The following CACNA1C variants were observed in gnomAD, a reference collection of about 807,000 sequenced individuals.
CACNA1C encodes the protein calcium voltage-gated channel subunit alpha1 C.
A neutral mutation model predicts 229.0 loss-of-function variants in CACNA1C; 30 were observed. The ratio of observed to expected loss-of-function variants is 0.13; its 90% CI spans 0.10 to 0.18. The LOEUF (loss-of-function observed/expected upper bound fraction) is 0.18, where lower values mean the gene tolerates loss of function less well. Ranked by LOEUF, CACNA1C falls within the 10% of genes least tolerant of loss-of-function variation. The probability of loss-of-function intolerance (pLI) is 1.00; values close to 1 mark genes in which losing one functional copy is unlikely to be tolerated. For synonymous variants in CACNA1C, 1,114 were observed against 1,132.5 expected (o/e 0.98, Z 0.33); for missense variants, 1,658 against 2,845.0 (o/e 0.58, Z 9.49).
At chr12:2,598,235 C>G (rs1284140085) in intron 21 of CACNA1C, among the ~76,000 whole-genome samples, 1 of 152,138 alleles carries the variant, frequency 6.6e-6, no homozygotes, top group Non-Finnish European at 1.5e-5. Flanking sequence ...ACCTGAGCAC[C>G]CAGCCCCCAG....
intron 1 of CACNA1C, among the ~76,000 whole-genome samples, chr12:1,981,102 T>C (rs1187564278): frequency 6.6e-6 from 1 of 152,188 alleles, no homozygotes; most frequent in East Asian, 1.9e-4. Context: ...GATGAGGATG[T>C]ATGGCATTCT....
intron 3 of CACNA1C, among the ~76,000 whole-genome samples, chr12:2,277,008 G>C (rs572795597): frequency 6.6e-6 from 1 of 152,148 alleles, no homozygotes; most frequent in South Asian, 2.1e-4. Context: ...CTCATCACAG[G>C]GGTTGCAAAG....
chr12:2,527,113 C>T (rs751567498), intron 9 of CACNA1C, among the ~76,000 whole-genome samples: 3 of 152,164 alleles, frequency 2.0e-5, no homozygotes, highest in Admixed American at 6.5e-5. Context: ...AATGTCTGGG[C>T]AGAGGAGCCC....
intron 29 of CACNA1C, chr12:2,613,222 G>C (rs569625151): frequency 2.6e-5 from 4 of 152,100 alleles, no homozygotes; most frequent in African/African-American, 9.6e-5. Context: ...GTATATCATC[G>C]CACGTCATTC....
rs117416923 is a variant in CACNA1C, at chr12:2,285,713, G to A, written c.478-163263G>A. On this transcript the variant is annotated intron_variant, in intron 3 of 46. Transcript: ENST00000399655. This position sits in a 1 kb window ranked among gnomAD's most constrained non-coding sequence, Gnocchi z 4.2. ...TCCAAACCCCATGTTCTTATCTGAC[G>A]GTATTTCTACTCTTTTTCTCAACCT... is the stretch of plus-strand genomic sequence containing the variant. 6.6e-5 allele frequency among the ~76,000 whole-genome samples: 10 copies of A among 152,204 alleles called. No homozygotes were observed. Among genetic ancestry groups the A allele is most frequent in the Middle Eastern group, 3.4e-3 (1 of 294 alleles).
chr12:2,473,302 C>T (rs1196067561), intron 5 of CACNA1C, among the ~76,000 whole-genome samples: 2 of 152,192 alleles, frequency 1.3e-5, no homozygotes, highest in Non-Finnish European at 2.9e-5. Context: ...GTATCTACCT[C>T]GCTGTCTCTT....
chr12:2,407,964 C>A (rs2098757586), intron 3 of CACNA1C, among the ~76,000 whole-genome samples: 2 of 152,218 alleles, frequency 1.3e-5, no homozygotes, highest in African/African-American at 2.4e-5. Flanking sequence ...ACCCACTCTT[C>A]CCCCAGCAAA....
At chr12:2,127,167 G>A (rs1246879220) in intron 3 of CACNA1C, among the ~76,000 whole-genome samples, 2 of 152,156 alleles carry the variant, frequency 1.3e-5, no homozygotes, top group Non-Finnish European at 2.9e-5. Flanking sequence ...CTCAGGAGGT[G>A]CCTGTCAGCC....
intron 9 of CACNA1C, among the ~76,000 whole-genome samples, chr12:2,537,908 G>A (rs982428012): frequency 6.6e-6 from 1 of 152,028 alleles, no homozygotes; most frequent in Non-Finnish European, 1.5e-5. Flanking sequence ...GGGTGGGAGA[G>A]GGAGTGTGCC....
intron 1 of CACNA1C, among the ~76,000 whole-genome samples, chr12:1,984,714 T>C (rs1298678175): frequency 1.3e-5 from 2 of 151,128 alleles, no homozygotes; most frequent in African/African-American, 4.9e-5. Flanking sequence ...AGCTTTCCCT[T>C]TGATATTATT....
At chr12:2,474,632 G>A (rs888605993) in intron 5 of CACNA1C, among the ~76,000 whole-genome samples, 3 of 151,836 alleles carry the variant, frequency 2.0e-5, no homozygotes, top group Admixed American at 1.3e-4. Flanking sequence ...GGCACACGCC[G>A]GTAATCCCAG....
rs1211638227 is a variant in CACNA1C at position 2,585,496 on chromosome 12, G to C, written c.2460G>C (p.Lys820Asn). The change falls in exon 17 of 47, where the codon AAG becomes AAC. Residue 820 changes from lysine to asparagine, a missense_variant and splice_region_variant. Around this residue, in one of 20 missense-constraint regions of CACNA1C, gnomAD observed 121 missense variants for 128.8 expected, o/e 0.94. Coordinates refer to ENST00000399655, the MANE Select transcript of CACNA1C (RefSeq NM_000719.7). The surrounding 1 kb of genome is among the most constrained non-coding windows in gnomAD (Gnocchi z 4.1). ...TADGESPPATKINMDDLQPNE... is the reference protein window; with the variant it reads ...TADGESPPATNINMDDLQPNE... ...ACGGAGAGTCTCCACCCGCCACCAAGGTGAGGAGCTGTCTCCTTCCTGGAG... is the reference window on the plus strand; with the variant it reads ...ACGGAGAGTCTCCACCCGCCACCAACGTGAGGAGCTGTCTCCTTCCTGGAG... 2 of 1,556,548 alleles carry C rather than the reference G, an allele frequency of 1.3e-6. No individual in the cohort carries two copies. Among genetic ancestry groups the C allele is most frequent in the Non-Finnish European group, 1.7e-6 (2 of 1,149,520 alleles).
At chr12:2,473,231 G>C (rs4765939) in intron 5 of CACNA1C, among the ~76,000 whole-genome samples, 53,552 of 151,870 alleles carry the variant, frequency 0.35, 10,777 homozygotes, top group East Asian at 0.69. Context: ...CCTTGTACCT[G>C]TACAACCCAG....
intron 1 of CACNA1C, among the ~76,000 whole-genome samples, chr12:2,089,530 C>G (rs143917218): frequency 6.6e-6 from 1 of 152,138 alleles, no homozygotes; most frequent in Non-Finnish European, 1.5e-5. Flanking sequence ...GGCAACAGAG[C>G]GTGGTGACAG....
Position 2,053,721 on chromosome 12 carries a change from G to A in CACNA1C, c.49+110G>A. 1.9e-6 allele frequency: 2 copies of A among 1,062,668 alleles called. No individual in the cohort carries two copies. Among genetic ancestry groups the A allele is most frequent in the Non-Finnish European group, 2.4e-6 (2 of 849,082 alleles). 65.8% of individuals were successfully genotyped at this position (1,062,668 alleles called of 1,614,324 possible). A position where few individuals can be genotyped will look rare whatever the true frequency, so the allele number is the denominator to read the frequency against. ...GGCCGGTCCCTGCGGAGTGGCCCGG[G>A]GCCGCGTCCGCGAGGGGCGCCTCCG... is the stretch of plus-strand genomic sequence containing the variant. On this transcript the variant is annotated intron_variant, in intron 1 of 46. Coordinates refer to ENST00000399655, the MANE Select transcript of CACNA1C (RefSeq NM_000719.7). This position sits in a 1 kb window ranked among gnomAD's most constrained non-coding sequence, Gnocchi z 5.8.
chr12:2,371,095 A>C (rs889709252), intron 3 of CACNA1C, among the ~76,000 whole-genome samples: 11 of 152,204 alleles, frequency 7.2e-5, no homozygotes, highest in African/African-American at 2.7e-4. Flanking sequence ...CTGATTTCAC[A>C]TACATAAAGG....
rs993442007 is a variant in CACNA1C, at chr12:2,422,434, C to T, written c.478-26542C>T. 2.6e-5 allele frequency among the ~76,000 whole-genome samples: 4 copies of T among 151,854 alleles called. 1 individual carries two copies. Among genetic ancestry groups the T allele is most frequent in the Admixed American group, 2.6e-4 (4 of 15,264 alleles). ...TCTTTCCCCTTGGTGCCTCCCCAGC[C>T]ATCTGTAGGAAGAGGATCCCAACAA... On this transcript the variant is annotated intron_variant, in intron 3 of 46. Transcript: ENST00000399655.
intron 7 of CACNA1C, among the ~76,000 whole-genome samples, chr12:2,503,487 C>T (rs970216367): frequency 1.3e-5 from 2 of 152,240 alleles, no homozygotes; most frequent in Non-Finnish European, 2.9e-5. Flanking sequence ...TTTATCTTCA[C>T]GTCCACCCTC....
chr12:2,260,648 C>T (rs918432439), intron 3 of CACNA1C, among the ~76,000 whole-genome samples: 1 of 152,168 alleles, frequency 6.6e-6, no homozygotes, highest in African/African-American at 2.4e-5. Context: ...GTTGAGATCA[C>T]ATGGACTCCT....
Sources: allele counts gnomAD v4.1 joint callset (sites outside exome capture counted in the v4.1 genomes callset), GRCh38; gene constraint gnomAD v4.1.1; regional missense constraint gnomAD v4.1.1; non-coding constraint Gnocchi (gnomAD v3.1); transcripts MANE v1.5; gene names NCBI Gene and HGNC (gene_info 2026-07-23, HGNC 2026-07-21).